PRELID2: variants seen among roughly 807,000 people sequenced by gnomAD.
PRELID2 encodes the protein PRELI domain-containing protein 2.
In PRELID2, 25 loss-of-function variants were observed where a neutral mutation model predicts 28.4. The observed-to-expected ratio is 0.88, with a 90% CI of 0.64 to 1.23. The LOEUF is 1.23. Ranked by LOEUF, PRELID2 falls within the 50% of genes most tolerant of loss-of-function variation. The pLI is 0.00. For synonymous variants in PRELID2, 76 were observed against 71.6 expected (o/e 1.06, Z -0.31); for missense variants, 201 against 214.4 (o/e 0.94, Z 0.39).
chr5:145,798,758 C>A (rs10078284), intron 4 of PRELID2, among the ~76,000 whole-genome samples: 1,930 of 152,202 alleles, frequency 0.013, 33 homozygotes, highest in African/African-American at 0.044. Flanking sequence ...TCATTCTCAG[C>A]AAACTATCAT....
chr5:145,393,973 A>G, the PRELID2 span, among the ~76,000 whole-genome samples: 1 of 152,174 alleles, frequency 6.6e-6, no homozygotes, highest in Non-Finnish European at 1.5e-5. Flanking sequence ...ACACTTTTAC[A>G]CTGTTGGTGG....
At chr5:145,787,735 C>T (rs1561608056) in intron 5 of PRELID2, among the ~76,000 whole-genome samples, 1 of 152,020 alleles carries the variant, frequency 6.6e-6, no homozygotes, top group Non-Finnish European at 1.5e-5. Context: ...GAGACGAGAT[C>T]TCCCTATGTT....
chr5:145,763,232 G>GC (rs1757558087), intron 6 of PRELID2, among the ~76,000 whole-genome samples: 1 of 152,198 alleles, frequency 6.6e-6, no homozygotes, highest in Admixed American at 6.5e-5. Context: ...GCCTAAGCAT[G>GC]CAAGTACAAG....
intron 1 of PRELID2, among the ~76,000 whole-genome samples, chr5:145,508,960 T>A (rs1752438549): frequency 6.6e-6 from 1 of 152,208 alleles, no homozygotes; most frequent in African/African-American, 2.4e-5. Flanking sequence ...ATTGAAATAC[T>A]GGTCTAATGA....
intron 1 of PRELID2, among the ~76,000 whole-genome samples, chr5:145,568,574 A>G (rs1365412515): frequency 6.6e-6 from 1 of 152,234 alleles, no homozygotes; most frequent in Non-Finnish European, 1.5e-5. Context: ...AGATGATGAC[A>G]TGAAAATAAA....
In PRELID2 at chr5:145,833,824, A is replaced by C. The variant is rs149866804; in HGVS notation, c.75+1353T>G. 4.1e-3 allele frequency among the ~76,000 whole-genome samples: 627 copies of C among 152,334 alleles called. 3 individuals carry two copies. The highest frequency in any genetic ancestry group is 0.014 in the African/African-American group (582 of 41,586). ...TGGCTGCTAACCAAGGCAAATTGCA[A>C]CTGTTGCAAATTTTGCTTATGAAAA... On this transcript the variant is annotated intron_variant, in intron 1 of 6. Coordinates refer to ENST00000683046, the MANE Select transcript of PRELID2 (RefSeq NM_205846.3).
At chr5:145,280,947 T>C in the PRELID2 span, among the ~76,000 whole-genome samples, 4 of 152,136 alleles carry the variant, frequency 2.6e-5, no homozygotes, top group Non-Finnish European at 4.4e-5. Context: ...GCATTTTTTT[T>C]ACGTAATGGA....
chr5:145,350,247 T>C, the PRELID2 span, among the ~76,000 whole-genome samples: 1 of 152,224 alleles, frequency 6.6e-6, no homozygotes, highest in Non-Finnish European at 1.5e-5. Context: ...TATTTTGTTA[T>C]TTATTCAATG....
chr5:145,470,409 A>T (rs543001485), downstream of PRELID2, among the ~76,000 whole-genome samples: 1 of 152,192 alleles, frequency 6.6e-6, no homozygotes, highest in African/African-American at 2.4e-5. Flanking sequence ...CCATCTACTA[A>T]GTAATCGTAG....
the PRELID2 span, among the ~76,000 whole-genome samples, chr5:145,292,150 T>G: frequency 7.2e-5 from 11 of 152,278 alleles, no homozygotes; most frequent in Non-Finnish European, 1.6e-4. Flanking sequence ...CTAAAAATGA[T>G]TCATAATCAT....
the PRELID2 span, among the ~76,000 whole-genome samples, chr5:145,231,290 G>A: frequency 1.3e-5 from 2 of 151,920 alleles, no homozygotes; most frequent in Non-Finnish European, 2.9e-5. Context: ...TGGGGGAACA[G>A]GTGGTATTTG....
chr5:145,371,469 T>C, the PRELID2 span, among the ~76,000 whole-genome samples: 1 of 152,146 alleles, frequency 6.6e-6, no homozygotes, highest in Non-Finnish European at 1.5e-5. Context: ...AGCCAATTTA[T>C]CATGGTGGAT....
At chr5:145,385,096 A>G in the PRELID2 span, among the ~76,000 whole-genome samples, 1 of 152,210 alleles carries the variant, frequency 6.6e-6, no homozygotes, top group Non-Finnish European at 1.5e-5. Flanking sequence ...TGGTGATTAC[A>G]CAAGTGTATA....
At chr5:145,512,322 GA>G (rs927702363) in intron 1 of PRELID2, among the ~76,000 whole-genome samples, 1 of 152,170 alleles carries the variant, frequency 6.6e-6, no homozygotes, top group African/African-American at 2.4e-5. Context: ...GCAGGGTGGG[GA>G]GTCGCCTCAC....
At chr5:145,650,123 G>A (rs552770613) in intron 1 of PRELID2, among the ~76,000 whole-genome samples, 20 of 152,166 alleles carry the variant, frequency 1.3e-4, no homozygotes, top group East Asian at 5.8e-4. Flanking sequence ...TTAATTCACC[G>A]TCACTCCTAA....
rs576644956 is a variant in PRELID2 at position 145,768,531 on chromosome 5, T to A, written c.475-3531A>T. Among the ~76,000 whole-genome samples the A allele has an allele frequency of 1.2e-4, 18 of 152,278 alleles. No homozygotes were observed. In the East Asian group the frequency reaches 3.1e-3, roughly 26 times the overall value. ...ATTCTAACAAATCTCTGGACAATAA[T>A]TAAATGTCTTCTTTCTATTTTCAGG... On this transcript the variant is annotated intron_variant, in intron 5 of 6. Transcript: ENST00000683046.
chr5:145,471,806 C>T (rs180772314), exon 3 of PRELID2: 2 of 152,036 alleles, frequency 1.3e-5, no homozygotes, highest in Non-Finnish European at 2.9e-5. Context: ...TCAACATAAT[C>T]CAACTTAGGC....
chr5:145,606,621 G>C lies in PRELID2; in HGVS notation n.71-133306C>G, dbSNP rs573220411. On this transcript the variant is annotated intron_variant and non_coding_transcript_variant, in intron 1 of 2. Coordinates refer to the PRELID2 transcript ENST00000510259. ...TGCATGCCATGGATAAAACCTACTT[G>C]ATCATGGTGGATTAAGTTTTTGATG... Among the ~76,000 whole-genome samples the C allele has an allele frequency of 4.5e-4, 69 of 152,232 alleles. No homozygotes were observed. In the South Asian group the frequency reaches 5.2e-3, roughly 11 times the overall value.
the PRELID2 span, among the ~76,000 whole-genome samples, chr5:145,231,282 G>A: frequency 6.6e-6 from 1 of 151,886 alleles, no homozygotes; most frequent in Non-Finnish European, 1.5e-5. Context: ...ACAGGTTTTG[G>A]GGGAACAGGT....
Sources: allele counts gnomAD v4.1 joint callset (sites outside exome capture counted in the v4.1 genomes callset), GRCh38; gene constraint gnomAD v4.1.1; transcripts MANE v1.5; gene names NCBI Gene and HGNC (gene_info 2026-07-23, HGNC 2026-07-21).